The following PID1 variants were observed in gnomAD, a reference collection of about 807,000 sequenced individuals.
The protein encoded by PID1 is phosphotyrosine interaction domain containing 1, also known as PTB-containing, cubilin and LRP1-interacting protein.
In PID1, 10 loss-of-function variants were observed where a neutral mutation model predicts 19.1. The observed-to-expected ratio is 0.52, with a 90% CI of 0.32 to 0.89. PID1 has a LOEUF of 0.89. Ranked by LOEUF, PID1 falls within the 40% of genes least tolerant of loss-of-function variation. The probability of loss-of-function intolerance (pLI) is 0.03; values close to 1 mark genes in which losing one functional copy is unlikely to be tolerated. For synonymous variants in PID1, 130 were observed against 116.0 expected (o/e 1.12, Z -0.78); for missense variants, 248 against 285.3 (o/e 0.87, Z 0.94).
intron 2 of PID1, among the ~76,000 whole-genome samples, chr2:229,149,094 C>A (rs1224440457): frequency 6.7e-6 from 1 of 150,160 alleles, no homozygotes; most frequent in Non-Finnish European, 1.5e-5. Context: ...TATTTGTATT[C>A]TGTCTTGGTA....
At chr2:229,230,348 CTT>C (rs1692178274) in intron 1 of PID1, among the ~76,000 whole-genome samples, 2 of 152,174 alleles carry the variant, frequency 1.3e-5, no homozygotes, top group Admixed American at 1.3e-4. Flanking sequence ...GAATAATAAA[CTT>C]TGGTCAGTGA....
chr2:229,207,679 C>T (rs540711289), intron 1 of PID1, among the ~76,000 whole-genome samples: 10 of 151,862 alleles, frequency 6.6e-5, no homozygotes, highest in Middle Eastern at 6.8e-3. Flanking sequence ...AATTCAGATT[C>T]TTCTGCCTGC....
In PID1 at chr2:229,119,188, T is replaced by C. The variant is rs1695468329; in HGVS notation, c.177+36630A>G. Among the ~76,000 whole-genome samples the C allele has an allele frequency of 7.9e-5, 12 of 152,352 alleles. No homozygotes were observed. The South Asian group carries it at 2.1e-3, about 26-fold the overall frequency. ...TGTGCTCACACAATAGTGGTATTAT[T>C]TGCATGCAGCAGTCTAGAACAAACC... On this transcript the variant is annotated intron_variant, in intron 2 of 2. Transcript: ENST00000392055.
intron 2 of PID1, among the ~76,000 whole-genome samples, chr2:229,149,341 G>A (rs1690200089): frequency 6.6e-6 from 1 of 152,128 alleles, no homozygotes; most frequent in Non-Finnish European, 1.5e-5. Context: ...GGAACCCAAA[G>A]ATTTAGGTGT....
At chr2:229,053,363 T>G (rs1341285585) in intron 2 of PID1, among the ~76,000 whole-genome samples, 1 of 152,184 alleles carries the variant, frequency 6.6e-6, no homozygotes, top group African/African-American at 2.4e-5. Flanking sequence ...AAAAACAAGA[T>G]TTGTTTATTC....
rs372388127 is a variant in PID1, at chr2:229,173,198, C to T, written c.31-17234G>A. ...TAAACCCAACATAATTCCAAACAACCCAGGACTAGATATCAACCTACATGG... is the reference window on the plus strand; with the variant it reads ...TAAACCCAACATAATTCCAAACAACTCAGGACTAGATATCAACCTACATGG... On this transcript the variant is annotated intron_variant, in intron 1 of 2. Coordinates refer to ENST00000392055, the MANE Select transcript of PID1 (RefSeq NM_001100818.2). Among the ~76,000 whole-genome samples the T allele has an allele frequency of 1.1e-3, 170 of 152,230 alleles. 1 individual carries two copies. The highest frequency in any genetic ancestry group is 3.9e-3 in the African/African-American group (161 of 41,536).
At chr2:229,196,995 T>A in intron 1 of PID1, among the ~76,000 whole-genome samples, 1 of 152,024 alleles carries the variant, frequency 6.6e-6, no homozygotes, top group Non-Finnish European at 1.5e-5. Flanking sequence ...GTATCAACTG[T>A]AGAACACAAG....
At chr2:229,074,061 A>T (rs946974919) in intron 2 of PID1, among the ~76,000 whole-genome samples, 1 of 152,350 alleles carries the variant, frequency 6.6e-6, no homozygotes. Flanking sequence ...TCATTAAAGC[A>T]TAAGTCAAAC....
intron 1 of PID1, among the ~76,000 whole-genome samples, chr2:229,188,308 C>T (rs1287319972): frequency 6.7e-6 from 1 of 149,478 alleles, no homozygotes. Context: ...CTTTGGGATG[C>T]ATTTGCTTCT....
At position 229,056,370 on chromosome 2, in the gene PID1, T is replaced by C. The variant is rs547388522; in HGVS notation, c.178-30262A>G. Among the ~76,000 whole-genome samples the C allele has an allele frequency of 5.3e-5, 8 of 152,146 alleles. No individual in the cohort carries two copies. In the South Asian group the frequency reaches 8.3e-4, roughly 16 times the overall value. On this transcript the variant is annotated intron_variant, in intron 2 of 2. Coordinates refer to ENST00000392055, the MANE Select transcript of PID1 (RefSeq NM_001100818.2). Reference sequence around the variant, plus strand: ...CAGCAATATTGTGGCCCTAGATAACTGATACACTCTGCTTCTGTTAGGCAC... The same window carrying C: ...CAGCAATATTGTGGCCCTAGATAACCGATACACTCTGCTTCTGTTAGGCAC...
chr2:229,163,666 T>G (rs1321683968), intron 1 of PID1, among the ~76,000 whole-genome samples: 1 of 30,706 alleles, frequency 3.3e-5, no homozygotes, highest in African/African-American at 3.9e-5. Context: ...TGTGTGTGTG[T>G]GTGTGTGTGC....
At chr2:229,199,452 C>T (rs187518466) in intron 1 of PID1, among the ~76,000 whole-genome samples, 1 of 152,082 alleles carries the variant, frequency 6.6e-6, no homozygotes, top group Admixed American at 6.6e-5. Flanking sequence ...TACCATTGTT[C>T]TAGTACCTAG....
At chr2:229,248,635 T>G (rs920662702) in intron 1 of PID1, among the ~76,000 whole-genome samples, 1 of 152,252 alleles carries the variant, frequency 6.6e-6, no homozygotes, top group Non-Finnish European at 1.5e-5. Flanking sequence ...ATTTTCTAAC[T>G]CCATCATCCC....
At chr2:229,147,358 T>A (rs970315133) in intron 2 of PID1, among the ~76,000 whole-genome samples, 2 of 151,656 alleles carry the variant, frequency 1.3e-5, no homozygotes, top group African/African-American at 4.9e-5. Flanking sequence ...ATTTAAAAAG[T>A]ATTACTCATT....
At chr2:229,116,022 G>A (rs886274735) in intron 2 of PID1, among the ~76,000 whole-genome samples, 2 of 151,950 alleles carry the variant, frequency 1.3e-5, no homozygotes, top group Non-Finnish European at 2.9e-5. Flanking sequence ...AGATGGAGAC[G>A]ACCATCCTGG....
At chr2:229,052,075 C>A (rs1396721024) in intron 2 of PID1, among the ~76,000 whole-genome samples, 2 of 152,144 alleles carry the variant, frequency 1.3e-5, no homozygotes, top group African/African-American at 4.8e-5. Flanking sequence ...CTGGTCCTAT[C>A]CAGGGGACAT....
At chr2:229,098,154 G>A (rs550719970) in intron 2 of PID1, among the ~76,000 whole-genome samples, 4 of 152,286 alleles carry the variant, frequency 2.6e-5, no homozygotes, top group African/African-American at 7.2e-5. Flanking sequence ...CAGCTAACAG[G>A]TGCGCTCTGT....
At chr2:229,129,351 T>C (rs747054939) in intron 2 of PID1, among the ~76,000 whole-genome samples, 3 of 151,008 alleles carry the variant, frequency 2.0e-5, no homozygotes, top group Non-Finnish European at 4.4e-5. Context: ...GAGGCAGAAC[T>C]TGCAGTGAGC....
chr2:229,222,543 G>C (rs1005903916), intron 1 of PID1, among the ~76,000 whole-genome samples: 2 of 152,106 alleles, frequency 1.3e-5, no homozygotes, highest in East Asian at 1.9e-4. Flanking sequence ...CCAGATGTTT[G>C]GTTAAACATT....
Sources: gnomAD v4.1 joint callset for allele counts (sites outside exome capture counted in the v4.1 genomes callset) on GRCh38, gnomAD v4.1.1 for gene constraint, MANE v1.5 for transcripts, NCBI Gene and HGNC (gene_info 2026-07-23, HGNC 2026-07-21) for gene names.